The following SMCO2 variants were observed in gnomAD, a reference collection of about 807,000 sequenced individuals.
The protein encoded by SMCO2 is single-pass membrane and coiled-coil domain-containing protein 2.
A neutral mutation model predicts 29.5 loss-of-function variants in SMCO2; 25 were observed. The ratio of observed to expected loss-of-function variants is 0.85; its 90% CI spans 0.62 to 1.18. The LOEUF (loss-of-function observed/expected upper bound fraction) is 1.18, where lower values mean the gene tolerates loss of function less well. SMCO2 is among the 50% of genes most tolerant of loss of function. SMCO2 has a pLI of 0.00. For synonymous variants in SMCO2, 117 were observed against 123.3 expected (o/e 0.95, Z 0.34); for missense variants, 348 against 344.5 (o/e 1.01, Z -0.08).
chr12:27,450,139 G>A, the SMCO2 span, among the ~76,000 whole-genome samples: 1 of 152,328 alleles, frequency 6.6e-6, no homozygotes, highest in African/African-American at 2.4e-5. Flanking sequence ...CAGGGTAGAG[G>A]TCTGTGGAGC....
rs886885735 is a variant in SMCO2 at position 27,472,908 on chromosome 12, T to G, written c.234+33T>G. 2.8e-6 allele frequency: 4 copies of G among 1,431,578 alleles called. No individual in the cohort carries two copies. In the African/African-American group the frequency reaches 5.7e-5, roughly 20 times the overall value. The allele number at this position is 1,431,578 out of a possible 1,614,324, so 88.7% of individuals were successfully genotyped here. A position where few individuals can be genotyped will look rare whatever the true frequency, so the allele number is the denominator to read the frequency against. Reference sequence around the variant, plus strand: ...CTGAAAAATGGGTAAGAGAGACACTTAAATGACACAGTAGGTTGAAGAGAA... The same window carrying G: ...CTGAAAAATGGGTAAGAGAGACACTGAAATGACACAGTAGGTTGAAGAGAA... On this transcript the variant is annotated intron_variant, in intron 3 of 7. Transcript: ENST00000298876.
chr12:27,480,776 G>A (rs535705814), intron 4 of SMCO2, among the ~76,000 whole-genome samples: 2 of 152,176 alleles, frequency 1.3e-5, no homozygotes, highest in South Asian at 4.2e-4. Context: ...CACCATGATT[G>A]TAAGCTTCCT....
chr12:27,480,379 G>T (rs73302534), intron 4 of SMCO2, among the ~76,000 whole-genome samples: 2,267 of 152,220 alleles, frequency 0.015, 58 homozygotes, highest in African/African-American at 0.051. Flanking sequence ...CCCCTGGGTG[G>T]CATGCACAGG....
intron 6 of SMCO2, among the ~76,000 whole-genome samples, chr12:27,494,648 C>T (rs1046342198): frequency 6.6e-6 from 1 of 151,886 alleles, no homozygotes; most frequent in Non-Finnish European, 1.5e-5. Flanking sequence ...TAATACCATC[C>T]CTCCCCTTGC....
chr12:27,468,723 C>T (rs1949518110), intron 1 of SMCO2, among the ~76,000 whole-genome samples: 1 of 152,198 alleles, frequency 6.6e-6, no homozygotes, highest in Non-Finnish European at 1.5e-5. Context: ...ATCTTTTTAT[C>T]AGTAGCTGTG....
chr12:27,499,362 A>G (rs568539197), intron 7 of SMCO2, among the ~76,000 whole-genome samples: 1 of 150,926 alleles, frequency 6.6e-6, no homozygotes, highest in South Asian at 2.1e-4. Flanking sequence ...TTCCATCTAT[A>G]TGAATGTTCA....
At chr12:27,471,379 A>G (rs893761479) in intron 2 of SMCO2, among the ~76,000 whole-genome samples, 2 of 152,176 alleles carry the variant, frequency 1.3e-5, no homozygotes, top group African/African-American at 4.8e-5. Flanking sequence ...CTAAATCTGT[A>G]TAGATTCCAG....
chr12:27,501,553 T>G (rs555396541), intron 7 of SMCO2, among the ~76,000 whole-genome samples: 2 of 150,570 alleles, frequency 1.3e-5, no homozygotes, highest in African/African-American at 5.0e-5. Flanking sequence ...TTATACTTTG[T>G]GTCCTGGGGA....
At chr12:27,440,763 G>A in the SMCO2 span, among the ~76,000 whole-genome samples, 1 of 149,068 alleles carries the variant, frequency 6.7e-6, no homozygotes, top group Non-Finnish European at 1.5e-5. Flanking sequence ...TAAGCCTCAA[G>A]GTAACCACAG....
chr12:27,459,176 G>A, the SMCO2 span, among the ~76,000 whole-genome samples: 15 of 90,092 alleles, frequency 1.7e-4, no homozygotes, highest in South Asian at 3.0e-3. Context: ...AACAGAGCAA[G>A]ACTCCATCTC....
At chr12:27,431,099 T>A in the SMCO2 span, among the ~76,000 whole-genome samples, 1 of 152,014 alleles carries the variant, frequency 6.6e-6, no homozygotes, top group Non-Finnish European at 1.5e-5. Context: ...TACTGCAACC[T>A]CCGCCTCCTG....
At chr12:27,459,192 A>G in the SMCO2 span, among the ~76,000 whole-genome samples, 31 of 134,512 alleles carry the variant, frequency 2.3e-4, no homozygotes, top group African/African-American at 1.1e-3. Context: ...ATCTCAAAAA[A>G]AAAAAAAAAA....
At chr12:27,450,356 G>A in the SMCO2 span, among the ~76,000 whole-genome samples, 4 of 145,320 alleles carry the variant, frequency 2.8e-5, no homozygotes, top group South Asian at 2.4e-4. Context: ...ATGTGACCTC[G>A]CCTGTTTCTT....
the SMCO2 span, among the ~76,000 whole-genome samples, chr12:27,446,931 T>C: frequency 6.6e-6 from 1 of 152,132 alleles, no homozygotes; most frequent in African/African-American, 2.4e-5. Flanking sequence ...GCCTTAGAGA[T>C]CCTCTTGAAT....
chr12:27,497,919 C>G (rs960651621), intron 7 of SMCO2: 1 of 340,178 alleles, frequency 2.9e-6, no homozygotes, highest in Admixed American at 3.5e-5. Context: ...CCTAAAGTAA[C>G]TAGAGTCTCC....
At chr12:27,472,207 G>C (rs1226352650) in intron 2 of SMCO2, among the ~76,000 whole-genome samples, 1 of 152,118 alleles carries the variant, frequency 6.6e-6, no homozygotes, top group Non-Finnish European at 1.5e-5. Context: ...ACAGAATGGA[G>C]TGTATAAATA....
At chr12:27,435,293 C>A in the SMCO2 span, among the ~76,000 whole-genome samples, 126 of 22,588 alleles carry the variant, frequency 5.6e-3, 40 homozygotes, top group African/African-American at 0.015. Flanking sequence ...CCCCCCCCCC[C>A]CCCCCCCCCG....
At chr12:27,469,313 C>G (rs1461922032) in intron 1 of SMCO2, among the ~76,000 whole-genome samples, 1 of 152,128 alleles carries the variant, frequency 6.6e-6, no homozygotes, top group East Asian at 1.9e-4. Flanking sequence ...AGGATGGTGC[C>G]ATCACACATC....
At chr12:27,433,542 C>CACACAT in the SMCO2 span, among the ~76,000 whole-genome samples, 146 of 132,630 alleles carry the variant, frequency 1.1e-3, no homozygotes, top group Admixed American at 2.3e-3. Flanking sequence ...CACACACACA[C>CACACAT]ATATATCATA....
Sources: gnomAD v4.1 joint callset for allele counts (sites outside exome capture counted in the v4.1 genomes callset) on GRCh38, gnomAD v4.1.1 for gene constraint, MANE v1.5 for transcripts, NCBI Gene and HGNC (gene_info 2026-07-23, HGNC 2026-07-21) for gene names.